The following CCDC183 variants were observed in gnomAD, a reference collection of about 807,000 sequenced individuals.
The protein encoded by CCDC183 is coiled-coil domain-containing protein 183.
CCDC183 carries 63 observed loss-of-function variants against 65.2 expected under a neutral mutation model. The ratio of observed to expected loss-of-function variants is 0.97; its 90% CI spans 0.79 to 1.19. The LOEUF is 1.19. Ranked by LOEUF, CCDC183 falls within the 50% of genes most tolerant of loss-of-function variation. CCDC183 has a pLI of 0.00. For missense variants in CCDC183, 769 were observed against 689.3 expected (o/e 1.12, Z -1.30); for synonymous variants, 323 against 276.5 (o/e 1.17, Z -1.67).
chr9:136,803,670 A>G (rs1371505053), intron 6 of CCDC183, among the ~76,000 whole-genome samples: 1 of 152,214 alleles, frequency 6.6e-6, no homozygotes, highest in Non-Finnish European at 1.5e-5. Context: ...ATGGCTTTCC[A>G]GGAAGACAGT....
At chr9:136,797,659 C>CG (rs1416787382) in intron 1 of CCDC183, among the ~76,000 whole-genome samples, 1 of 152,158 alleles carries the variant, frequency 6.6e-6, no homozygotes, top group Non-Finnish European at 1.5e-5. Flanking sequence ...AGGATGGTCT[C>CG]GATCACCTGA....
chr9:136,806,109 A>G lies in CCDC183; in HGVS notation c.980A>G (p.Asn327Ser). 1 of 1,553,138 alleles carries G rather than the reference A, an allele frequency of 6.4e-7. No individual in the cohort carries two copies. Among genetic ancestry groups the G allele is most frequent in the African/African-American group, 1.4e-5 (1 of 73,258 alleles). Residue 327 changes from asparagine (N) to serine (S), a missense_variant, in exon 10 of 14, where the codon AAC becomes AGC. By Grantham distance (46) the Asn-to-Ser change is conservative. Coordinates refer to ENST00000338005, the MANE Select transcript of CCDC183 (RefSeq NM_001039374.5). Reference sequence around the variant, plus strand: ...ACTAGCCGCTTCCTGGCCCAGAGGAACACGGAGGAGAACCTGGAGCTGCAG... The same window carrying G: ...ACTAGCCGCTTCCTGGCCCAGAGGAGCACGGAGGAGAACCTGGAGCTGCAG... Reference protein sequence around the residue: ...DITSRFLAQRNTEENLELQME... With the variant: ...DITSRFLAQRSTEENLELQME...
At position 136,799,150 on chromosome 9, in the gene CCDC183, A is replaced by C; in HGVS notation, c.119A>C (p.Gln40Pro). 6.2e-7 allele frequency: 1 copy of C among 1,613,394 alleles called. No individual in the cohort carries two copies. Among genetic ancestry groups the C allele is most frequent in the Non-Finnish European group, 8.5e-7 (1 of 1,179,896 alleles). Residue 40 changes from glutamine (Q) to proline (P), a missense_variant, in exon 2 of 14, where the codon CAG becomes CCG. By Grantham distance (76) the Gln-to-Pro change is moderately conservative (BLOSUM62 -1). Coordinates refer to ENST00000338005, the MANE Select transcript of CCDC183 (RefSeq NM_001039374.5). ...QIQGVKENMD[Q>P]NKATLALLRS... The stretch of plus-strand genomic sequence containing the variant: ...CAAGGGGTGAAAGAGAATATGGACC[A>C]GAACAAGGCCACGCTGGCCCTCCTG...
At chr9:136,800,521 G>C (rs745947562) in intron 5 of CCDC183, 28 bp downstream of exon 5, 59 of 1,534,156 alleles carry the variant, frequency 3.8e-5, no homozygotes, top group Non-Finnish European at 5.1e-5. Flanking sequence ...GGAAGGGCGG[G>C]GGTCAGGGGC....
At chr9:136,797,282 T>G (rs1847662203) in intron 1 of CCDC183, among the ~76,000 whole-genome samples, 1 of 152,180 alleles carries the variant, frequency 6.6e-6, no homozygotes, top group Non-Finnish European at 1.5e-5. Flanking sequence ...GCTGACGTTC[T>G]CACCACCTGT....
In CCDC183 at chr9:136,806,959, T is replaced by C. The variant is rs1847868362; in HGVS notation, c.1390-11T>C. 6.2e-7 allele frequency: 1 copy of C among 1,613,502 alleles called. No homozygotes were observed. Among genetic ancestry groups the C allele is most frequent in the Non-Finnish European group, 8.5e-7 (1 of 1,180,022 alleles). On this transcript the variant is annotated splice_polypyrimidine_tract_variant and intron_variant, in intron 12 of 13. Transcript: ENST00000338005. Reference sequence around the variant, plus strand: ...AGTGTCTGCACGGCTGAAGGGGGCTTTGCCCTGCAGGGCGACACAAAGGTG... The same window carrying C: ...AGTGTCTGCACGGCTGAAGGGGGCTCTGCCCTGCAGGGCGACACAAAGGTG...
In CCDC183 at chr9:136,804,751, C is replaced by T. The variant is rs1407981850; in HGVS notation, c.793-11C>T. On this transcript the variant is annotated splice_polypyrimidine_tract_variant and intron_variant, in intron 7 of 13. Transcript: ENST00000338005. The surrounding 1 kb of genome is among the most constrained non-coding windows in gnomAD (Gnocchi z 4.1). ...ATGTCTCATCCCTTCCCCGCCCCCA[C>T]CTCCCATCAGGGCCAGATGGACTTG... 5 of 1,613,570 alleles carry T rather than the reference C, an allele frequency of 3.1e-6. No homozygotes were observed. Among genetic ancestry groups the T allele is most frequent in the Non-Finnish European group, 4.2e-6 (5 of 1,179,646 alleles).
rs1219999951 is a variant in CCDC183, at chr9:136,800,679, A to G, written c.543+186A>G. On this transcript the variant is annotated intron_variant, in intron 5 of 13. Transcript: ENST00000338005. ...ACTTCATTTTTGGCTATTCCAAAAAAGCATATCGTGGGGTATATCAGAATT... is the reference window on the plus strand; with the variant it reads ...ACTTCATTTTTGGCTATTCCAAAAAGGCATATCGTGGGGTATATCAGAATT... 6 of 591,812 alleles carry G rather than the reference A, an allele frequency of 1.0e-5. No individual in the cohort carries two copies. The African/African-American group carries it at 1.1e-4, about 11-fold the overall frequency. The allele number at this position is 591,812 out of a possible 1,614,324, so 36.7% of individuals were successfully genotyped here. A position where few individuals can be genotyped will look rare whatever the true frequency, so the allele number is the denominator to read the frequency against.
chr9:136,803,619 C>T (rs1273337561), intron 6 of CCDC183, among the ~76,000 whole-genome samples: 3 of 152,234 alleles, frequency 2.0e-5, no homozygotes, highest in African/African-American at 7.2e-5. Flanking sequence ...AAATGCCACA[C>T]AGCCCCTGAG....
intron 6 of CCDC183, among the ~76,000 whole-genome samples, chr9:136,803,573 C>A (rs1417295015): frequency 2.0e-5 from 3 of 152,184 alleles, no homozygotes; most frequent in Admixed American, 6.5e-5. Context: ...CCCTGTCCTC[C>A]TGAAGTGGGT....
chr9:136,801,246 C>T lies in CCDC183; in HGVS notation c.543+753C>T, dbSNP rs144744079. Among the ~76,000 whole-genome samples, 685 of 151,950 alleles carry T rather than the reference C, an allele frequency of 4.5e-3. 8 individuals are homozygous for T. Among genetic ancestry groups the T allele is most frequent in the African/African-American group, 0.016 (653 of 41,422 alleles). The stretch of plus-strand genomic sequence containing the variant: ...TCTCAGCACCGTCCTCTGCTTGTCC[C>T]TCTTGCCTTGGCCCCTGGTCCTATT... On this transcript the variant is annotated intron_variant, in intron 5 of 13. Coordinates refer to ENST00000338005, the MANE Select transcript of CCDC183 (RefSeq NM_001039374.5).
Position 136,804,698 on chromosome 9 carries a change from A to G in CCDC183, c.793-64A>G. The G allele has an allele frequency of 6.2e-7, 1 of 1,612,796 alleles. No individual in the cohort carries two copies. The highest frequency in any genetic ancestry group is 1.1e-5 in the South Asian group (1 of 90,998). On this transcript the variant is annotated intron_variant, in intron 7 of 13. Transcript: ENST00000338005. This position sits in a 1 kb window ranked among gnomAD's most constrained non-coding sequence, Gnocchi z 4.1. The stretch of plus-strand genomic sequence containing the variant: ...GCTGGGTGGACACAGGCTCAGGGCC[A>G]CCACTCAGGGCCCACTCCCTGCCAA...
At position 136,806,265 on chromosome 9, in the gene CCDC183, C is replaced by A. The variant is rs45517541; in HGVS notation, c.1109+27C>A. 9,090 of 1,572,356 alleles carry A rather than the reference C, an allele frequency of 5.8e-3. 140 individuals are homozygous for A. The highest frequency in any genetic ancestry group is 0.041 in the South Asian group (3,493 of 85,810). On this transcript the variant is annotated intron_variant, in intron 10 of 13. Transcript: ENST00000338005. ...TGCCCCGGGCTTCCGGGGCTGCGGGCCACCCACCCCAGTCTCACAAAGGCC... is the reference window on the plus strand; with the variant it reads ...TGCCCCGGGCTTCCGGGGCTGCGGGACACCCACCCCAGTCTCACAAAGGCC...
chr9:136,806,727 GGGA>G (rs775397773), intron 11 of CCDC183, 27 bp from the exon 12 acceptor site: 1 of 1,613,432 alleles, frequency 6.2e-7, no homozygotes, highest in Non-Finnish European at 8.5e-7. Context: ...AGGGCCAGAG[GGGA>G]GATGAGACCC....
chr9:136,806,935 G>A, intron 12 of CCDC183, 35 bp from the exon 13 acceptor site: 5 of 1,613,488 alleles, frequency 3.1e-6, no homozygotes, highest in Non-Finnish European at 3.4e-6. Flanking sequence ...CCCGTTCAGA[G>A]TGTCTGCACG....
intron 1 of CCDC183, among the ~76,000 whole-genome samples, chr9:136,798,840 C>A (rs1395411435): frequency 6.6e-6 from 1 of 152,218 alleles, no homozygotes; most frequent in African/African-American, 2.4e-5. Flanking sequence ...ACCACAGGAC[C>A]CTGCCATCCC....
chr9:136,796,852 GC>G (rs1847656031), intron 1 of CCDC183, among the ~76,000 whole-genome samples: 1 of 152,168 alleles, frequency 6.6e-6, no homozygotes, highest in Non-Finnish European at 1.5e-5. Flanking sequence ...GCCCAGGAAA[GC>G]CTGGGAATTG....
chr9:136,804,254 G>C lies in CCDC183; in HGVS notation c.667-248G>C, dbSNP rs1847802390. 2.0e-6 allele frequency: 1 copy of C among 501,432 alleles called. No individual in the cohort carries two copies. Among genetic ancestry groups the C allele is most frequent in the Admixed American group, 3.3e-5 (1 of 30,172 alleles). 31.1% of individuals were successfully genotyped at this position (501,432 alleles called of 1,614,324 possible). A position where few individuals can be genotyped will look rare whatever the true frequency, so the allele number is the denominator to read the frequency against. ...TCTAGGTGGACCTGGCCAGGAGGCAGCTGGGGGCCAGCGGCTGGAGGGCAG... is the reference window on the plus strand; with the variant it reads ...TCTAGGTGGACCTGGCCAGGAGGCACCTGGGGGCCAGCGGCTGGAGGGCAG... On this transcript the variant is annotated intron_variant, in intron 6 of 13. Transcript: ENST00000338005. This position sits in a 1 kb window ranked among gnomAD's most constrained non-coding sequence, Gnocchi z 4.1.
In CCDC183 at chr9:136,806,760, G is replaced by C. The variant is rs1351940920; in HGVS notation, c.1282G>C (p.Glu428Gln). 1.9e-6 allele frequency: 3 copies of C among 1,613,438 alleles called. No homozygotes were observed. The African/African-American group carries it at 4.0e-5, about 22-fold the overall frequency. Residue 428 changes from glutamate to glutamine, a missense_variant, in exon 12 of 14, where the codon GAA (glutamate) becomes CAA (glutamine). Transcript: ENST00000338005. ...MGINLPATQR[E>Q]VVLSNTLDLN... Reference sequence around the variant, plus strand: ...AGACCCTCCTCCCGGCCTACAGAGAGAAGTGGTGCTCTCCAACACCCTCGA... The same window carrying C: ...AGACCCTCCTCCCGGCCTACAGAGACAAGTGGTGCTCTCCAACACCCTCGA...
Sources: allele counts gnomAD v4.1 joint callset (sites outside exome capture counted in the v4.1 genomes callset), GRCh38; gene constraint gnomAD v4.1.1; non-coding constraint Gnocchi (gnomAD v3.1); transcripts MANE v1.5; gene names NCBI Gene and HGNC (gene_info 2026-07-23, HGNC 2026-07-21).